CNTNAP5: variants seen among roughly 807,000 people sequenced by gnomAD.
CNTNAP5 encodes contactin associated protein family member 5, also known as contactin-associated protein-like 5.
In CNTNAP5, 72 loss-of-function variants were observed where a neutral mutation model predicts 150.2. That is an observed-to-expected ratio of 0.48 (90% confidence interval 0.40 to 0.58). The LOEUF (loss-of-function observed/expected upper bound fraction) is 0.58, where lower values mean the gene tolerates loss of function less well. Among genes scored for constraint, CNTNAP5 ranks in the 20% least tolerant of loss-of-function variants. The probability of loss-of-function intolerance (pLI) is 0.00; values close to 1 mark genes in which losing one functional copy is unlikely to be tolerated. For synonymous variants in CNTNAP5, 672 were observed against 619.8 expected (o/e 1.08, Z -1.25); for missense variants, 1,636 against 1,626.2 (o/e 1.01, Z -0.10).
chr2:124,075,695 C>A (rs927649142), intron 1 of CNTNAP5, among the ~76,000 whole-genome samples: 1 of 152,108 alleles, frequency 6.6e-6, no homozygotes, highest in South Asian at 2.1e-4. Context: ...GGAAGCAACA[C>A]AACTACACAT....
rs545118500 is a variant in CNTNAP5, at chr2:124,742,170, G to A, written c.2078-5059G>A. Among the ~76,000 whole-genome samples, 5 of 152,276 alleles carry A rather than the reference G, an allele frequency of 3.3e-5. No homozygotes were observed. In the South Asian group the frequency reaches 1.0e-3, roughly 32 times the overall value. ...AGTTCACTGGCAAGGAGTTTTATAG[G>A]CAGACCTAAGACAACATACCCTTAT... On this transcript the variant is annotated intron_variant, in intron 13 of 23. Coordinates refer to ENST00000682447, the MANE Select transcript of CNTNAP5 (RefSeq NM_001367498.1).
chr2:124,414,412 G>C (rs13393426), intron 3 of CNTNAP5, among the ~76,000 whole-genome samples: 2 of 152,020 alleles, frequency 1.3e-5, no homozygotes, highest in Non-Finnish European at 2.9e-5. Flanking sequence ...AAGTCCCTGG[G>C]ACCATGCATT....
chr2:124,863,787 TGA>T (rs1677573144), intron 19 of CNTNAP5, among the ~76,000 whole-genome samples: 1 of 152,144 alleles, frequency 6.6e-6, no homozygotes. Flanking sequence ...ATGGGCAGGC[TGA>T]GAGAGTTCAG....
intron 2 of CNTNAP5, among the ~76,000 whole-genome samples, chr2:124,232,778 G>T (rs1280788631): frequency 6.6e-6 from 1 of 152,070 alleles, no homozygotes; most frequent in Non-Finnish European, 1.5e-5. Flanking sequence ...CTAAGGACTG[G>T]CTTCTAATGA....
chr2:124,760,930 G>C (rs1372510108), intron 14 of CNTNAP5, among the ~76,000 whole-genome samples: 1 of 152,186 alleles, frequency 6.6e-6, no homozygotes, highest in Non-Finnish European at 1.5e-5. Flanking sequence ...CTGATCCCCA[G>C]AGTGACCTCA....
At chr2:124,565,223 G>C (rs1695990031) in intron 11 of CNTNAP5, among the ~76,000 whole-genome samples, 1 of 152,172 alleles carries the variant, frequency 6.6e-6, no homozygotes. Flanking sequence ...GAGTGATGTG[G>C]TTATTGCTGT....
At chr2:124,774,149 T>C (rs961938876) in intron 17 of CNTNAP5, among the ~76,000 whole-genome samples, 1 of 152,052 alleles carries the variant, frequency 6.6e-6, no homozygotes, top group Non-Finnish European at 1.5e-5. Context: ...AGAACAGTGA[T>C]GTAAATAAGT....
At chr2:124,646,027 A>G (rs1374286225) in intron 12 of CNTNAP5, among the ~76,000 whole-genome samples, 3 of 152,334 alleles carry the variant, frequency 2.0e-5, no homozygotes, top group African/African-American at 7.2e-5. Flanking sequence ...TCCAGGTCCC[A>G]TCTCCAACAC....
intron 14 of CNTNAP5, among the ~76,000 whole-genome samples, chr2:124,755,470 C>T (rs897267258): frequency 3.9e-5 from 6 of 152,180 alleles, no homozygotes; most frequent in African/African-American, 1.4e-4. Context: ...ACATTCCTTA[C>T]AACTTCTTCT....
intron 17 of CNTNAP5, 29 bp from the exon 18 acceptor site, chr2:124,789,873 C>A (rs1263841776): frequency 2.5e-6 from 4 of 1,609,010 alleles, no homozygotes; most frequent in Non-Finnish European, 1.7e-6. Context: ...TAATACCTTA[C>A]ATTTGTTTCC....
Position 124,763,991 on chromosome 2 carries a change from G to T in CNTNAP5, c.2377G>T (p.Ala793Ser). ...RCYGDRRFWN[A>S]VSFYTEASYL... ...CTCATTTGCAGGACGCTTCTGGAACGCCGTCTCATTTTATACAGAAGCCTC... is the reference window on the plus strand; with the variant it reads ...CTCATTTGCAGGACGCTTCTGGAACTCCGTCTCATTTTATACAGAAGCCTC... The change falls in exon 16 of 24, where the codon GCC becomes TCC. Residue 793 changes from alanine to serine, a missense_variant. By Grantham distance (99) the Ala-to-Ser change is moderately conservative. Coordinates refer to ENST00000682447, the MANE Select transcript of CNTNAP5 (RefSeq NM_001367498.1). 1 of 1,610,872 alleles carries T rather than the reference G, an allele frequency of 6.2e-7. No individual in the cohort carries two copies. Among genetic ancestry groups the T allele is most frequent in the South Asian group, 1.1e-5 (1 of 90,794 alleles).
intron 1 of CNTNAP5, among the ~76,000 whole-genome samples, chr2:124,039,913 A>T (rs1479456641): frequency 6.6e-6 from 1 of 152,038 alleles, no homozygotes; most frequent in Non-Finnish European, 1.5e-5. Flanking sequence ...TGGTTAGTGC[A>T]CCTGGTGGAA....
intron 14 of CNTNAP5, among the ~76,000 whole-genome samples, chr2:124,748,188 T>A (rs943550247): frequency 6.6e-6 from 1 of 152,142 alleles, no homozygotes; most frequent in African/African-American, 2.4e-5. Context: ...AAGCATCTAT[T>A]AAATTTCATA....
chr2:124,152,107 A>G (rs2104635343), intron 1 of CNTNAP5, among the ~76,000 whole-genome samples: 2 of 152,336 alleles, frequency 1.3e-5, no homozygotes, highest in South Asian at 4.1e-4. Context: ...AAGAAAGTGC[A>G]GTCTGAGAGA....
chr2:124,856,378 G>A (rs1011702183), intron 19 of CNTNAP5, among the ~76,000 whole-genome samples: 1 of 152,028 alleles, frequency 6.6e-6, no homozygotes, highest in Non-Finnish European at 1.5e-5. Flanking sequence ...TGGATCAAAC[G>A]GTAGTTCTAC....
chr2:124,848,848 T>C (rs909754478), intron 19 of CNTNAP5, among the ~76,000 whole-genome samples: 2 of 152,210 alleles, frequency 1.3e-5, no homozygotes, highest in African/African-American at 4.8e-5. Flanking sequence ...CATTGTTTAT[T>C]CTTTGCTATT....
chr2:124,828,638 T>C (rs1682647842), intron 19 of CNTNAP5, among the ~76,000 whole-genome samples: 4 of 147,798 alleles, frequency 2.7e-5, no homozygotes, highest in Non-Finnish European at 4.4e-5. Context: ...TGGATTAGCC[T>C]GAGAAATGGC....
intron 7 of CNTNAP5, among the ~76,000 whole-genome samples, chr2:124,479,563 T>C (rs1693719006): frequency 1.3e-5 from 2 of 152,210 alleles, no homozygotes; most frequent in South Asian, 4.1e-4. Flanking sequence ...TTGGAGCTAA[T>C]TGACTATGTC....
At chr2:124,109,445 G>T (rs1256052569) in intron 1 of CNTNAP5, among the ~76,000 whole-genome samples, 1 of 152,300 alleles carries the variant, frequency 6.6e-6, no homozygotes, top group East Asian at 1.9e-4. Context: ...TTGCCAGGCT[G>T]GAAATACCAG....
Sources: gnomAD v4.1 joint callset for allele counts (sites outside exome capture counted in the v4.1 genomes callset) on GRCh38, gnomAD v4.1.1 for gene constraint, MANE v1.5 for transcripts, NCBI Gene and HGNC (gene_info 2026-07-23, HGNC 2026-07-21) for gene names.